MYOCD: variants seen among roughly 807,000 people sequenced by gnomAD.
MYOCD encodes the protein myocardin.
MYOCD carries 32 observed loss-of-function variants against 96.1 expected under a neutral mutation model. That is an observed-to-expected ratio of 0.33 (90% CI 0.25 to 0.45). MYOCD has a LOEUF of 0.45. MYOCD is among the 20% of genes least tolerant of loss of function. The pLI, the probability that MYOCD is intolerant of heterozygous loss-of-function variation, is 1.00. For missense variants in MYOCD, 1,133 were observed against 1,200.6 expected (o/e 0.94, Z 0.83); for synonymous variants, 469 against 469.0 (o/e 1.00, Z 0.00).
In MYOCD at chr17:12,710,331, C is replaced by T. The variant is rs145238342; in HGVS notation, c.121+5138C>T. 1.6e-4 allele frequency among the ~76,000 whole-genome samples: 25 copies of T among 152,270 alleles called. 1 individual carries two copies. The East Asian group carries it at 3.9e-3, about 24-fold the overall frequency. On this transcript the variant is annotated intron_variant, in intron 2 of 13. Transcript: ENST00000425538. Reference sequence around the variant, plus strand: ...GATCTAAAGTGGACTTGAGAGGACACGGGGCCCGGGGAGGCTGCTACGTGT... The same window carrying T: ...GATCTAAAGTGGACTTGAGAGGACATGGGGCCCGGGGAGGCTGCTACGTGT...
intron 8 of MYOCD, 114 bp from the exon 9 acceptor site, chr17:12,745,805 C>G: frequency 9.2e-7 from 1 of 1,089,294 alleles, no homozygotes; most frequent in Non-Finnish European, 1.3e-6. Context: ...GTCTCTTCTG[C>G]TGGTTTATTA....
chr17:12,670,770 G>C (rs1909665587), intron 1 of MYOCD, among the ~76,000 whole-genome samples: 1 of 152,098 alleles, frequency 6.6e-6, no homozygotes, highest in East Asian at 1.9e-4. Context: ...CAAGGGAATG[G>C]CCCTAAATAT....
chr17:12,727,986 G>A (rs1862025953), intron 5 of MYOCD, among the ~76,000 whole-genome samples: 1 of 152,118 alleles, frequency 6.6e-6, no homozygotes, highest in African/African-American at 2.4e-5. Flanking sequence ...GGGTAATAGG[G>A]GACTTGGTCC....
chr17:12,739,068 GAGGGAGT>G, intron 6 of MYOCD, 128 bp from the exon 7 acceptor site: 1 of 974,226 alleles, frequency 1.0e-6, no homozygotes, highest in Non-Finnish European at 1.5e-6. Context: ...TCCTCCCACT[GAGGGAGT>G]AGGCTGATAT....
At chr17:12,748,250 T>C (rs1217877724) in intron 9 of MYOCD, among the ~76,000 whole-genome samples, 1 of 146,856 alleles carries the variant, frequency 6.8e-6, no homozygotes, top group African/African-American at 2.7e-5. Context: ...GAGAATACCT[T>C]ATTGATATTA....
At position 12,756,404 on chromosome 17, in the gene MYOCD, TC is replaced by T. The variant is rs1227406289; in HGVS notation, c.2059-8del. 6.2e-5 allele frequency: 97 copies of T among 1,552,048 alleles called. No homozygotes were observed. The highest frequency in any genetic ancestry group is 7.9e-5 in the Non-Finnish European group (91 of 1,147,108). ...GCTGGCCATGTAATTTGTCACTTCT[TC>T]CTTTGCAGAACTCAGGAGCACACGA... is the stretch of plus-strand genomic sequence containing the variant. On this transcript the variant is annotated splice_polypyrimidine_tract_variant and intron_variant, in intron 10 of 13. Transcript: ENST00000425538.
intron 9 of MYOCD, among the ~76,000 whole-genome samples, chr17:12,748,183 A>G (rs570012292): frequency 6.6e-6 from 1 of 150,966 alleles, no homozygotes; most frequent in African/African-American, 2.4e-5. Flanking sequence ...AAAAAACAAA[A>G]AAACAAAAAA....
chr17:12,762,969 C>G (rs1249554132), intron 13 of MYOCD, 104 bp from the exon 14 acceptor site: 1 of 911,666 alleles, frequency 1.1e-6, no homozygotes, highest in Non-Finnish European at 1.7e-6. Flanking sequence ...GAGCGGTGAC[C>G]AGGGAAGCGT....
At chr17:12,692,641 G>A (rs928162264) in intron 1 of MYOCD, among the ~76,000 whole-genome samples, 1 of 152,138 alleles carries the variant, frequency 6.6e-6, no homozygotes, top group African/African-American at 2.4e-5. Flanking sequence ...ATGTGGCAGA[G>A]GTGACTGTCT....
rs561769300 is a variant in MYOCD at position 12,688,473 on chromosome 17, T to C, written c.56-16655T>C. Among the ~76,000 whole-genome samples, 37 of 150,956 alleles carry C rather than the reference T, an allele frequency of 2.5e-4. No individual in the cohort carries two copies. In the South Asian group the frequency reaches 7.4e-3, roughly 30 times the overall value. On this transcript the variant is annotated intron_variant, in intron 1 of 13. Transcript: ENST00000425538. Reference sequence around the variant, plus strand: ...ATCTCCTTCCTTCCTTCCTTCCATCTTCTTCCTTCCTTCCTTCCATCTCCT... The same window carrying C: ...ATCTCCTTCCTTCCTTCCTTCCATCCTCTTCCTTCCTTCCTTCCATCTCCT...
intron 1 of MYOCD, among the ~76,000 whole-genome samples, chr17:12,672,922 T>C (rs116645330): frequency 0.011 from 1,670 of 152,308 alleles, 28 homozygotes; most frequent in African/African-American, 0.039. Flanking sequence ...TTTGAACTAC[T>C]GCATTGAGTA....
intron 3 of MYOCD, among the ~76,000 whole-genome samples, chr17:12,716,355 A>G (rs1006526830): frequency 1.8e-5 from 2 of 109,074 alleles, no homozygotes; most frequent in African/African-American, 5.1e-5. Flanking sequence ...TGATTCCCAG[A>G]CCCCTCTCAG....
intron 9 of MYOCD, among the ~76,000 whole-genome samples, chr17:12,749,959 C>G (rs1420116457): frequency 6.6e-6 from 1 of 152,148 alleles, no homozygotes; most frequent in African/African-American, 2.4e-5. Flanking sequence ...ACGCCTTTCT[C>G]CTGCCTCAGC....
At chr17:12,750,441 C>A (rs1187160897) in intron 9 of MYOCD, among the ~76,000 whole-genome samples, 1 of 152,162 alleles carries the variant, frequency 6.6e-6, no homozygotes, top group Admixed American at 6.5e-5. Context: ...GTAATCCCAG[C>A]ACTTTGGGAG....
rs771911521 is a variant in MYOCD at position 12,760,602 on chromosome 17, A to G, written c.2332-48A>G. On this transcript the variant is annotated intron_variant, in intron 12 of 13. Transcript: ENST00000425538. Reference sequence around the variant, plus strand: ...CTGCTTCTAATGATTTCCTACGGAGATAACCACCTTCTAAATTGTCTGTCC... The same window carrying G: ...CTGCTTCTAATGATTTCCTACGGAGGTAACCACCTTCTAAATTGTCTGTCC... 4.0e-6 allele frequency: 6 copies of G among 1,486,716 alleles called. No homozygotes were observed. The South Asian group carries it at 6.8e-5, about 17-fold the overall frequency. The allele number at this position is 1,486,716 out of a possible 1,614,324, so 92.1% of individuals were successfully genotyped here. A position where few individuals can be genotyped will look rare whatever the true frequency, so the allele number is the denominator to read the frequency against.
intron 1 of MYOCD, among the ~76,000 whole-genome samples, chr17:12,680,662 C>T (rs891365829): frequency 1.3e-5 from 2 of 152,188 alleles, no homozygotes; most frequent in Non-Finnish European, 2.9e-5. Flanking sequence ...AATACATAAA[C>T]AAGTGGGGAA....
Position 12,764,865 on chromosome 17 carries a change from GCA to G in MYOCD, c.*1224_*1225del, listed in dbSNP as rs1388580165. The G allele has an allele frequency of 1.3e-5, 2 of 152,140 alleles. No homozygotes were observed. Among genetic ancestry groups the G allele is most frequent in the South Asian group, 4.1e-4 (2 of 4,828 alleles). 9.4% of individuals were successfully genotyped at this position (152,140 alleles called of 1,614,324 possible). On this transcript the variant is annotated 3_prime_UTR_variant, in exon 14 of 14. Coordinates refer to ENST00000425538, the MANE Select transcript of MYOCD (RefSeq NM_001146312.3). ...CTTCTGGAGAACTCATTCTCCACACGCACAGTTTGCTGCAAAAGGAAGTTGCA... is the reference window on the plus strand; with the variant it reads ...CTTCTGGAGAACTCATTCTCCACACGCAGTTTGCTGCAAAAGGAAGTTGCA...
At chr17:12,701,891 A>T (rs1387393814) in intron 1 of MYOCD, among the ~76,000 whole-genome samples, 2 of 152,140 alleles carry the variant, frequency 1.3e-5, no homozygotes, top group Admixed American at 1.3e-4. Flanking sequence ...GTTAGAATTA[A>T]TTCCAATGTG....
rs1320462867 is a variant in MYOCD at position 12,765,233 on chromosome 17, T to C, written c.*1589T>C. 2.0e-5 allele frequency: 3 copies of C among 152,110 alleles called. No individual in the cohort carries two copies. Among genetic ancestry groups the C allele is most frequent in the Admixed American group, 2.0e-4 (3 of 15,276 alleles). The allele number at this position is 152,110 out of a possible 1,614,324, so 9.4% of individuals were successfully genotyped here. ...TGTGGCTCCAGTTCACCATTTTATA[T>C]TGTTGCATGCTGTAGAAAGGAGCTA... On this transcript the variant is annotated 3_prime_UTR_variant, in exon 14 of 14. Transcript: ENST00000425538.
Sources: gnomAD v4.1 joint callset for allele counts (sites outside exome capture counted in the v4.1 genomes callset) on GRCh38, gnomAD v4.1.1 for gene constraint, MANE v1.5 for transcripts, NCBI Gene and HGNC (gene_info 2026-07-23, HGNC 2026-07-21) for gene names.